Variants in SP140L observed in about 807,000 individuals in gnomAD.
SP140L encodes the protein SP140 like nuclear body protein, also known as nuclear body protein SP140-like protein.
A neutral mutation model predicts 84.3 loss-of-function variants in SP140L; 64 were observed. The ratio of observed to expected loss-of-function variants is 0.76; its 90% CI spans 0.62 to 0.94. SP140L has a LOEUF of 0.94. SP140L is among the 40% of genes least tolerant of loss of function. The probability of loss-of-function intolerance (pLI) is 0.00; values close to 1 mark genes in which losing one functional copy is unlikely to be tolerated. For missense variants in SP140L, 628 were observed against 692.5 expected (o/e 0.91, Z 1.05); for synonymous variants, 242 against 236.9 (o/e 1.02, Z -0.20).
intron 2 of SP140L, among the ~76,000 whole-genome samples, chr2:230,329,966 C>A (rs2059682424): frequency 6.6e-6 from 1 of 151,988 alleles, no homozygotes; most frequent in Non-Finnish European, 1.5e-5. Context: ...CATGGTTTTT[C>A]TTTTTTAGGT....
At chr2:230,354,848 G>GGAAAAGAAAGAAA (rs1553617502) in intron 2 of SP140L, among the ~76,000 whole-genome samples, 2 of 108,838 alleles carry the variant, frequency 1.8e-5, no homozygotes, top group Non-Finnish European at 3.6e-5. Context: ...AAGAAAGAAA[G>GGAAAAGAAAGAAA]GAAAGAAAGA....
chr2:230,347,674 G>T (rs999804736), intron 2 of SP140L, among the ~76,000 whole-genome samples: 1 of 152,164 alleles, frequency 6.6e-6, no homozygotes, highest in Admixed American at 6.5e-5. Context: ...TCGATTACCT[G>T]CGTGGTCAAG....
chr2:230,399,928 T>C, intron 14 of SP140L, 199 bp from the exon 15 acceptor site: 3 of 507,768 alleles, frequency 5.9e-6, no homozygotes, highest in South Asian at 3.5e-5. Flanking sequence ...TTCTGACATA[T>C]ACCCCTTCCT....
chr2:230,354,906 A>AAG (rs1559420463), intron 2 of SP140L, among the ~76,000 whole-genome samples: 1 of 139,988 alleles, frequency 7.1e-6, no homozygotes. Context: ...AGGAAAGAGA[A>AAG]AGAAGAAAGA....
intron 3 of SP140L, among the ~76,000 whole-genome samples, chr2:230,358,393 C>A (rs1039793271): frequency 2.6e-4 from 39 of 152,264 alleles, no homozygotes; most frequent in African/African-American, 9.4e-4. Flanking sequence ...ATTCTTTCTC[C>A]AACACATTTG....
chr2:230,373,583 A>T (rs1469012238), intron 7 of SP140L, among the ~76,000 whole-genome samples: 1 of 152,176 alleles, frequency 6.6e-6, no homozygotes, highest in Non-Finnish European at 1.5e-5. Context: ...ATTCCTCAGA[A>T]AAAAAGACTC....
chr2:230,370,267 G>A (rs2149762943), intron 5 of SP140L, among the ~76,000 whole-genome samples: 1 of 152,240 alleles, frequency 6.6e-6, no homozygotes, highest in South Asian at 2.1e-4. Flanking sequence ...TTTCCAGAGA[G>A]CACTTCACCT....
chr2:230,332,493 C>T (rs1395107668), intron 2 of SP140L, among the ~76,000 whole-genome samples: 2 of 152,198 alleles, frequency 1.3e-5, no homozygotes, highest in Admixed American at 6.5e-5. Flanking sequence ...AGACTTCTCC[C>T]CTAACACTCC....
chr2:230,400,742 T>G lies in SP140L; in HGVS notation c.1314-213T>G, dbSNP rs2062293623. ...GTCCCCACTCACGGTGACACCACCT[T>G]CCTGAGGCTTCCCTCCTGCTGCTAC... On this transcript the variant is annotated intron_variant, in intron 15 of 18. Transcript: ENST00000415673. The G allele has an allele frequency of 1.9e-5, 22 of 1,149,604 alleles. No individual in the cohort carries two copies. In the Admixed American group the frequency reaches 2.3e-4, roughly 12 times the overall value. The allele number at this position is 1,149,604 out of a possible 1,614,324, so 71.2% of individuals were successfully genotyped here.
In SP140L at chr2:230,374,643, C is replaced by T. The variant is rs543282185; in HGVS notation, c.637+2992C>T. On this transcript the variant is annotated intron_variant, in intron 7 of 18. Coordinates refer to ENST00000415673, the MANE Select transcript of SP140L (RefSeq NM_138402.6). ...ACTGTCTTATTTTAAGAAATTGTCA[C>T]AGCCACCTCAACATTTATCAACCAC... is the stretch of plus-strand genomic sequence containing the variant. Among the ~76,000 whole-genome samples, 7 of 152,306 alleles carry T rather than the reference C, an allele frequency of 4.6e-5. No individual in the cohort carries two copies. In the South Asian group the frequency reaches 1.2e-3, roughly 27 times the overall value.
chr2:230,354,906 A>C (rs1236477468), intron 2 of SP140L, among the ~76,000 whole-genome samples: 1 of 139,988 alleles, frequency 7.1e-6, no homozygotes, highest in African/African-American at 2.6e-5. Context: ...AGGAAAGAGA[A>C]AGAAGAAAGA....
chr2:230,398,924 A>C lies in SP140L; in HGVS notation c.1198-1203A>C, dbSNP rs757036079. Among the ~76,000 whole-genome samples, 21 of 152,268 alleles carry C rather than the reference A, an allele frequency of 1.4e-4. No homozygotes were observed. In the East Asian group the frequency reaches 1.5e-3, roughly 11 times the overall value. The stretch of plus-strand genomic sequence containing the variant: ...AAATGAAATCAGCTATTCAAAAATA[A>C]GCAGAAGGTGCAAGCGGTCCTCTTG... On this transcript the variant is annotated intron_variant, in intron 14 of 18. Coordinates refer to ENST00000415673, the MANE Select transcript of SP140L (RefSeq NM_138402.6).
intron 13 of SP140L, 141 bp downstream of exon 13, chr2:230,393,602 T>C: frequency 1.9e-6 from 2 of 1,039,904 alleles, no homozygotes; most frequent in Non-Finnish European, 2.6e-6. Context: ...ATTTTTTTAA[T>C]ATACACTTTC....
At chr2:230,357,763 G>A (rs2060592038) in intron 2 of SP140L, 42 bp from the exon 3 acceptor site, 10 of 1,576,892 alleles carry the variant, frequency 6.3e-6, no homozygotes, top group Non-Finnish European at 6.0e-6. Flanking sequence ...AAACATCTCA[G>A]AATCTTGATG....
chr2:230,328,295 A>G (rs1455247023), intron 1 of SP140L, among the ~76,000 whole-genome samples: 4 of 152,240 alleles, frequency 2.6e-5, no homozygotes, highest in African/African-American at 7.2e-5. Context: ...TTCCTTTCAC[A>G]GTCTTGTGAA....
intron 4 of SP140L, among the ~76,000 whole-genome samples, chr2:230,360,028 C>T (rs2060668054): frequency 7.3e-6 from 1 of 137,896 alleles, no homozygotes; most frequent in Non-Finnish European, 1.6e-5. Flanking sequence ...ATAATTTATA[C>T]TATTATAATG....
intron 11 of SP140L, 33 bp downstream of exon 11, chr2:230,390,056 C>T (rs2149806525): frequency 3.8e-6 from 6 of 1,567,376 alleles, no homozygotes; most frequent in Middle Eastern, 1.7e-4. Context: ...ATTTGCAGCT[C>T]CTATCTGAAG....
intron 2 of SP140L, among the ~76,000 whole-genome samples, chr2:230,347,049 A>C (rs866475044): frequency 6.6e-6 from 1 of 152,182 alleles, no homozygotes; most frequent in Non-Finnish European, 1.5e-5. Flanking sequence ...TTTAGTAGTC[A>C]GTGTTTCCTG....
intron 2 of SP140L, among the ~76,000 whole-genome samples, chr2:230,354,444 A>T (rs568471879): frequency 2.0e-4 from 31 of 152,238 alleles, no homozygotes; most frequent in African/African-American, 6.5e-4. Flanking sequence ...TAAAATTAGT[A>T]GTTCATGATA....
Sources: gnomAD v4.1 joint callset for allele counts (sites outside exome capture counted in the v4.1 genomes callset) on GRCh38, gnomAD v4.1.1 for gene constraint, MANE v1.5 for transcripts, NCBI Gene and HGNC (gene_info 2026-07-23, HGNC 2026-07-21) for gene names.